Variants in COL24A1 observed in about 807,000 individuals in gnomAD.
COL24A1 encodes the protein collagen type XXIV alpha 1 chain, also known as collagen alpha-1(XXIV) chain.
Under a neutral mutation model 253.9 loss-of-function variants are expected in COL24A1, and 224 were observed. The observed-to-expected ratio is 0.88, with a 90% CI of 0.79 to 0.99. COL24A1 has a LOEUF of 0.99. COL24A1 is among the 50% of genes least tolerant of loss of function. The pLI is 0.00. For synonymous variants in COL24A1, 685 were observed against 673.7 expected (o/e 1.02, Z -0.26); for missense variants, 2,131 against 2,068.5 (o/e 1.03, Z -0.59).
At chr1:86,126,629 T>C (rs1648349104) in intron 2 of COL24A1, among the ~76,000 whole-genome samples, 1 of 151,950 alleles carries the variant, frequency 6.6e-6, no homozygotes, top group South Asian at 2.1e-4. Flanking sequence ...CATGCCATCA[T>C]ACCTGGCTAA....
At chr1:85,909,228 A>T (rs1373231266) in intron 26 of COL24A1, among the ~76,000 whole-genome samples, 2 of 151,796 alleles carry the variant, frequency 1.3e-5, no homozygotes, top group African/African-American at 4.8e-5. Context: ...TGGAAATTGC[A>T]TAGCTTAAAA....
chr1:86,046,850 C>T lies in COL24A1; in HGVS notation c.1925G>A (p.Gly642Glu). The stretch of plus-strand genomic sequence containing the variant: ...CTGTCTCCCCTTAAAACCCTTCTTT[C>T]CACGGATCCCAGGAATGCCCTAGAA... ...EGERGIPGIR[G>E]KKGFKGRQGF... is the part of the protein sequence containing the mutation. Residue 642 changes from glycine (G) to glutamate (E), a missense_variant, in exon 12 of 60, where the codon GGA becomes GAA. By Grantham distance (98) the Gly-to-Glu change is moderately conservative. Coordinates refer to ENST00000370571, the MANE Select transcript of COL24A1 (RefSeq NM_152890.7). The T allele has an allele frequency of 6.3e-7, 1 of 1,597,884 alleles. No homozygotes were observed. Among genetic ancestry groups the T allele is most frequent in the Non-Finnish European group, 8.6e-7 (1 of 1,165,622 alleles).
chr1:86,058,110 G>C, intron 9 of COL24A1, 135 bp from the exon 10 acceptor site: 3 of 545,724 alleles, frequency 5.5e-6, no homozygotes, highest in Non-Finnish European at 9.2e-6. Flanking sequence ...AACTAATGAA[G>C]ATTACCAATG....
chr1:86,031,834 A>G, intron 14 of COL24A1, 44 bp downstream of exon 14: 1 of 1,522,464 alleles, frequency 6.6e-7, no homozygotes, highest in Non-Finnish European at 9.0e-7. Flanking sequence ...TAAATTGCAC[A>G]ATAAAATATT....
At chr1:86,057,862 A>C in intron 10 of COL24A1, 69 bp downstream of exon 10, 3 of 1,371,066 alleles carry the variant, frequency 2.2e-6, no homozygotes, top group Non-Finnish European at 3.1e-6. Flanking sequence ...AAAAATGCTA[A>C]GTGTTTTATA....
At chr1:86,132,299 C>T (rs1372942671) in intron 2 of COL24A1, among the ~76,000 whole-genome samples, 3 of 152,046 alleles carry the variant, frequency 2.0e-5, no homozygotes, top group Non-Finnish European at 4.4e-5. Context: ...CAAAAATTTT[C>T]TCCCATTCTG....
intron 48 of COL24A1, 52 bp from the exon 49 acceptor site, chr1:85,784,418 T>C (rs1476250113): frequency 1.7e-5 from 24 of 1,402,448 alleles, no homozygotes; most frequent in Non-Finnish European, 2.4e-5. Flanking sequence ...TATAAACATA[T>C]TGGCTTTTGA....
intron 12 of COL24A1, among the ~76,000 whole-genome samples, chr1:86,038,578 A>G (rs1421716814): frequency 3.3e-5 from 5 of 152,126 alleles, no homozygotes; most frequent in Non-Finnish European, 1.5e-5. Flanking sequence ...TCATGCTGTT[A>G]TGTAGTCCAG....
intron 7 of COL24A1, among the ~76,000 whole-genome samples, chr1:86,071,358 C>A (rs2101840801): frequency 6.6e-6 from 1 of 151,920 alleles, no homozygotes; most frequent in Middle Eastern, 3.4e-3. Context: ...CACAAAACAA[C>A]CAGAAAACAA....
chr1:85,770,391 T>C (rs932391518), intron 53 of COL24A1, among the ~76,000 whole-genome samples: 1 of 152,132 alleles, frequency 6.6e-6, no homozygotes, highest in African/African-American at 2.4e-5. Flanking sequence ...TTTATTCTCA[T>C]GGGCCTTATG....
intron 53 of COL24A1, among the ~76,000 whole-genome samples, chr1:85,763,045 T>A (rs1349432422): frequency 2.0e-5 from 3 of 152,186 alleles, no homozygotes; most frequent in African/African-American, 7.2e-5. Flanking sequence ...TCCAACAATA[T>A]AACATTTTAT....
At chr1:85,921,733 T>A (rs1686522038) in intron 24 of COL24A1, among the ~76,000 whole-genome samples, 1 of 152,048 alleles carries the variant, frequency 6.6e-6, no homozygotes, top group South Asian at 2.1e-4. Context: ...GCAGAAAAGC[T>A]AAAAATTCCA....
At chr1:85,874,826 GT>G in intron 34 of COL24A1, 124 bp from the exon 35 acceptor site, 1 of 993,122 alleles carries the variant, frequency 1.0e-6, no homozygotes, top group Non-Finnish European at 1.5e-6. Flanking sequence ...TCCAAGGCCT[GT>G]TAGGAAATGG....
chr1:85,832,399 G>A (rs1465438370), intron 43 of COL24A1, among the ~76,000 whole-genome samples: 1 of 152,068 alleles, frequency 6.6e-6, no homozygotes, highest in Non-Finnish European at 1.5e-5. Context: ...AGGTTGACTT[G>A]GCAATGTGGG....
In COL24A1 at chr1:86,022,888, AG is replaced by A; in HGVS notation, c.2104-12del. On this transcript the variant is annotated splice_polypyrimidine_tract_variant and intron_variant, in intron 15 of 59. Transcript: ENST00000370571. ...ATTCCCTGAAAGGCCCTACAAAAAA[AG>A]GTGACATTTTGTGATATCATAGACA... 2.5e-6 allele frequency: 4 copies of A among 1,608,590 alleles called. No homozygotes were observed. The highest frequency in any genetic ancestry group is 3.4e-6 in the Non-Finnish European group (4 of 1,177,054).
At chr1:85,854,025 T>C (rs1678121505) in intron 37 of COL24A1, among the ~76,000 whole-genome samples, 1 of 152,222 alleles carries the variant, frequency 6.6e-6, no homozygotes, top group Admixed American at 6.5e-5. Context: ...ATCTTTGTCA[T>C]GAAGTCTTTG....
chr1:85,833,472 G>T (rs1194264643), intron 43 of COL24A1, among the ~76,000 whole-genome samples: 1 of 152,194 alleles, frequency 6.6e-6, no homozygotes. Context: ...AACAACAGGT[G>T]CTGGAGAGGA....
chr1:86,000,888 C>T (rs1323323237), intron 19 of COL24A1, among the ~76,000 whole-genome samples: 2 of 152,096 alleles, frequency 1.3e-5, no homozygotes, highest in Non-Finnish European at 2.9e-5. Context: ...TTCCAACCAT[C>T]CTGCTACCAT....
At chr1:85,810,761 T>TAGAAG (rs1672448970) in intron 47 of COL24A1, among the ~76,000 whole-genome samples, 1 of 152,180 alleles carries the variant, frequency 6.6e-6, no homozygotes, top group South Asian at 2.1e-4. Flanking sequence ...CTGTCCCCAC[T>TAGAAG]TCACCTTCTA....
Sources: allele counts gnomAD v4.1 joint callset (sites outside exome capture counted in the v4.1 genomes callset), GRCh38; gene constraint gnomAD v4.1.1; transcripts MANE v1.5; gene names NCBI Gene and HGNC (gene_info 2026-07-23, HGNC 2026-07-21).